The following APBB1IP variants were observed in gnomAD, a reference collection of about 807,000 sequenced individuals.
APBB1IP encodes the protein amyloid beta A4 precursor protein-binding family B member 1-interacting protein.
APBB1IP carries 27 observed loss-of-function variants against 64.9 expected under a neutral mutation model. The ratio of observed to expected loss-of-function variants is 0.42; its 90% CI spans 0.31 to 0.57. The LOEUF (loss-of-function observed/expected upper bound fraction) is 0.57. Among genes scored for constraint, APBB1IP ranks in the 20% least tolerant of loss-of-function variants. The pLI is 0.20. For missense variants in APBB1IP, 812 were observed against 845.5 expected (o/e 0.96, Z 0.49); for synonymous variants, 392 against 331.0 (o/e 1.18, Z -2.00).
intron 2 of APBB1IP, among the ~76,000 whole-genome samples, chr10:26,451,392 C>T (rs897644417): frequency 1.3e-5 from 2 of 152,188 alleles, no homozygotes; most frequent in East Asian, 1.9e-4. Context: ...CCCAGCCTAG[C>T]GTTGCTTCCT....
At chr10:26,470,581 C>T (rs1272943148) in intron 2 of APBB1IP, among the ~76,000 whole-genome samples, 1 of 152,018 alleles carries the variant, frequency 6.6e-6, no homozygotes, top group Non-Finnish European at 1.5e-5. Flanking sequence ...ATGATTTTGC[C>T]CAACTATAGG....
chr10:26,475,193 G>A (rs1027744878), intron 2 of APBB1IP, among the ~76,000 whole-genome samples: 3 of 151,426 alleles, frequency 2.0e-5, no homozygotes, highest in Non-Finnish European at 2.9e-5. Context: ...TGCAATCTCG[G>A]TTCACTGCAA....
chr10:26,470,421 C>T (rs929156321), intron 2 of APBB1IP, among the ~76,000 whole-genome samples: 4 of 152,094 alleles, frequency 2.6e-5, no homozygotes, highest in Admixed American at 2.0e-4. Context: ...CGCCTGTAAT[C>T]CCAGCTACTA....
At chr10:26,488,422 G>C (rs1835918822) in intron 2 of APBB1IP, among the ~76,000 whole-genome samples, 1 of 152,016 alleles carries the variant, frequency 6.6e-6, no homozygotes, top group Non-Finnish European at 1.5e-5. Flanking sequence ...TTTTTGTACA[G>C]AAGTTTCTCT....
At chr10:26,566,891 A>T (rs1301600012) in intron 14 of APBB1IP, 70 bp from the exon 15 acceptor site, 11 of 1,450,282 alleles carry the variant, frequency 7.6e-6, no homozygotes, top group Non-Finnish European at 1.0e-5. Flanking sequence ...CGTCTCCATT[A>T]ATTAATAACA....
intron 7 of APBB1IP, among the ~76,000 whole-genome samples, chr10:26,512,122 G>C (rs189775575): frequency 6.6e-6 from 1 of 152,130 alleles, no homozygotes; most frequent in Non-Finnish European, 1.5e-5. Flanking sequence ...GAGCCACTGC[G>C]CCTGGCCTGG....
intron 8 of APBB1IP, among the ~76,000 whole-genome samples, chr10:26,531,343 C>CA (rs200502781): frequency 0.018 from 2,658 of 144,200 alleles, 60 homozygotes; most frequent in African/African-American, 0.063. Flanking sequence ...CTCAAAAAAA[C>CA]AAAAAAAATT....
At chr10:26,493,367 G>A (rs1835981107) in intron 3 of APBB1IP, among the ~76,000 whole-genome samples, 1 of 152,194 alleles carries the variant, frequency 6.6e-6, no homozygotes, top group Non-Finnish European at 1.5e-5. Context: ...GACAGGCAGG[G>A]AAATCACAAG....
At position 26,496,466 on chromosome 10, in the gene APBB1IP, T is replaced by G. The variant is rs1217188389; in HGVS notation, c.160+75T>G. The G allele has an allele frequency of 3.2e-6, 4 of 1,247,962 alleles. No individual in the cohort carries two copies. In the African/African-American group the frequency reaches 6.0e-5, roughly 19 times the overall value. 77.3% of individuals were successfully genotyped at this position (1,247,962 alleles called of 1,614,324 possible). A position where few individuals can be genotyped will look rare whatever the true frequency, so the allele number is the denominator to read the frequency against. Reference sequence around the variant, plus strand: ...TTCAAATCAGTATGAAACTATAATTTGAAAACTAAATTAAAGGAACCTAAA... The same window carrying G: ...TTCAAATCAGTATGAAACTATAATTGGAAAACTAAATTAAAGGAACCTAAA... On this transcript the variant is annotated intron_variant, in intron 4 of 14. Coordinates refer to ENST00000376236, the MANE Select transcript of APBB1IP (RefSeq NM_019043.4).
At position 26,513,548 on chromosome 10, in the gene APBB1IP, T is replaced by C; in HGVS notation, c.701T>C (p.Phe234Ser). The change falls in exon 8 of 15, where the codon TTT (phenylalanine) becomes TCT (serine). Residue 234 changes from phenylalanine to serine, a missense_variant. Physicochemically the swap from Phe to Ser is radical, Grantham distance 155. Transcript: ENST00000376236. ...IYPELQIERF[F>S]EDHENVVEVL... ...TTTCTTATTTCATCAGAGAGGTTTT[T>C]TGAAGACCATGAAAATGTTGTTGAA... 1 of 1,612,096 alleles carries C rather than the reference T, an allele frequency of 6.2e-7. No individual in the cohort carries two copies. Among genetic ancestry groups the C allele is most frequent in the Non-Finnish European group, 8.5e-7 (1 of 1,179,616 alleles).
chr10:26,447,197 C>T (rs545891226), intron 2 of APBB1IP, among the ~76,000 whole-genome samples: 69 of 147,590 alleles, frequency 4.7e-4, no homozygotes, highest in African/African-American at 1.7e-3. Flanking sequence ...TACAGTGAAA[C>T]CCCATCTCTA....
At chr10:26,489,434 T>C (rs1166972569) in intron 2 of APBB1IP, among the ~76,000 whole-genome samples, 1 of 152,216 alleles carries the variant, frequency 6.6e-6, no homozygotes, top group Non-Finnish European at 1.5e-5. Flanking sequence ...AAGATTTCAT[T>C]ATGTCAGATT....
At chr10:26,496,033 T>C (rs1051826909) in intron 3 of APBB1IP, among the ~76,000 whole-genome samples, 22 of 147,820 alleles carry the variant, frequency 1.5e-4, no homozygotes, top group Admixed American at 9.6e-4. Context: ...CAAGAAATTA[T>C]GTGTTCTTTA....
At chr10:26,551,696 T>C (rs77125314) in intron 11 of APBB1IP, among the ~76,000 whole-genome samples, 4,830 of 152,312 alleles carry the variant, frequency 0.032, 150 homozygotes, top group African/African-American at 0.082. Context: ...TACTCAGCTA[T>C]ATTTTTCTTT....
At chr10:26,456,333 G>A (rs2992266) in intron 2 of APBB1IP, among the ~76,000 whole-genome samples, 150,375 of 152,290 alleles carry the variant, frequency 0.99, 74,270 homozygotes, top group East Asian at 1. Context: ...AGCCTTTGGT[G>A]TGCCTAGGAA....
chr10:26,534,927 T>G (rs977497594), intron 9 of APBB1IP, among the ~76,000 whole-genome samples: 9 of 152,230 alleles, frequency 5.9e-5, no homozygotes, highest in African/African-American at 2.2e-4. Context: ...CTAGCCAAAT[T>G]TGGGGAGAAA....
At chr10:26,559,150 C>A (rs1279864377) in intron 11 of APBB1IP, among the ~76,000 whole-genome samples, 2 of 152,106 alleles carry the variant, frequency 1.3e-5, no homozygotes, top group Non-Finnish European at 2.9e-5. Flanking sequence ...AGGTAAGTTC[C>A]CTTATTTGAC....
At chr10:26,481,826 C>CGT (rs71521683) in intron 2 of APBB1IP, among the ~76,000 whole-genome samples, 14,683 of 143,182 alleles carry the variant, frequency 0.1, 740 homozygotes, top group Admixed American at 0.15. Context: ...CATCTCATTA[C>CGT]GTGTGTGTGT....
At chr10:26,517,017 G>A (rs1836340276) in intron 8 of APBB1IP, among the ~76,000 whole-genome samples, 1 of 152,150 alleles carries the variant, frequency 6.6e-6, no homozygotes, top group Non-Finnish European at 1.5e-5. Flanking sequence ...GCCCCGAAAT[G>A]CTGAGGGTTC....
Sources: gnomAD v4.1 joint callset for allele counts (sites outside exome capture counted in the v4.1 genomes callset) on GRCh38, gnomAD v4.1.1 for gene constraint, MANE v1.5 for transcripts, NCBI Gene and HGNC (gene_info 2026-07-23, HGNC 2026-07-21) for gene names.